FMN1: variants seen among roughly 807,000 people sequenced by gnomAD.
FMN1 encodes formin-1.
FMN1 carries 110 observed loss-of-function variants against 132.4 expected under a neutral mutation model. The observed-to-expected ratio is 0.83, with a 90% CI of 0.71 to 0.97. The LOEUF (loss-of-function observed/expected upper bound fraction) is 0.97, where lower values mean the gene tolerates loss of function less well. Ranked by LOEUF, FMN1 falls within the 50% of genes least tolerant of loss-of-function variation. The pLI, the probability that FMN1 is intolerant of heterozygous loss-of-function variation, is 0.00. For synonymous variants in FMN1, 722 were observed against 651.7 expected (o/e 1.11, Z -1.64); for missense variants, 1,792 against 1,705.3 (o/e 1.05, Z -0.90).
chr15:32,866,428 G>A (rs532687157), intron 16 of FMN1, among the ~76,000 whole-genome samples: 4 of 152,018 alleles, frequency 2.6e-5, no homozygotes, highest in Non-Finnish European at 5.9e-5. Flanking sequence ...ATAGTAAAAC[G>A]CTAGCCAAAA....
rs1323178308 is a variant in FMN1, at chr15:32,949,978, TACACACAC to T, written c.3138+14121_3138+14128del. ...ATATATATATATACACACATATATA[TACACACAC>T]ATATATATACACATACACATATATA... On this transcript the variant is annotated intron_variant, in intron 9 of 20. Transcript: ENST00000616417. Among the ~76,000 whole-genome samples the T allele has an allele frequency of 1.9e-3, 68 of 36,006 alleles. 2 individuals carry two copies. Among genetic ancestry groups the T allele is most frequent in the African/African-American group, 5.0e-3 (31 of 6,140 alleles). 23.6% of individuals were successfully genotyped at this position (36,006 alleles called of 152,430 possible).
intron 10 of FMN1, among the ~76,000 whole-genome samples, chr15:32,917,987 C>A (rs1234234284): frequency 6.6e-6 from 1 of 152,112 alleles, no homozygotes; most frequent in South Asian, 2.1e-4. Context: ...TGGTTCACTT[C>A]TAATACGCTA....
At chr15:32,910,938 G>C (rs1221481372) in intron 10 of FMN1, among the ~76,000 whole-genome samples, 1 of 152,182 alleles carries the variant, frequency 6.6e-6, no homozygotes, top group Non-Finnish European at 1.5e-5. Flanking sequence ...CAGAAAGAAA[G>C]AGAGAAAAAA....
intron 16 of FMN1, among the ~76,000 whole-genome samples, chr15:32,879,457 A>G (rs1292956675): frequency 6.6e-6 from 1 of 152,208 alleles, no homozygotes; most frequent in African/African-American, 2.4e-5. Context: ...CCAAAAGGTG[A>G]TAAATTAGCC....
At chr15:33,024,866 A>C (rs1488984531) in intron 6 of FMN1, among the ~76,000 whole-genome samples, 1 of 152,234 alleles carries the variant, frequency 6.6e-6, no homozygotes, top group African/African-American at 2.4e-5. Context: ...ACATTCACTC[A>C]GAGTGATATT....
At chr15:32,861,113 C>T (rs2059258008) in intron 16 of FMN1, among the ~76,000 whole-genome samples, 5 of 152,124 alleles carry the variant, frequency 3.3e-5, no homozygotes, top group Admixed American at 3.3e-4. Flanking sequence ...TTAATTAACC[C>T]TCTACTATAT....
At chr15:33,173,408 C>G (rs1414906128) in intron 3 of FMN1, among the ~76,000 whole-genome samples, 1 of 152,212 alleles carries the variant, frequency 6.6e-6, no homozygotes, top group African/African-American at 2.4e-5. Flanking sequence ...CCAAGCAGTG[C>G]TGCTTCAGGG....
In FMN1 at chr15:33,153,241, C is replaced by G; in HGVS notation, c.1674G>C (p.Lys558Asn). The change falls in exon 4 of 21, where the codon AAG (lysine) becomes AAC (asparagine). Residue 558 changes from lysine to asparagine, a missense_variant. Lys to Asn is a moderately conservative substitution (Grantham distance 94, BLOSUM62 0). Coordinates refer to ENST00000616417, the MANE Select transcript of FMN1 (RefSeq NM_001277313.2). The part of the protein sequence containing the change: ...EAALNDSPCR[K>N]SRVFSGCVSA... ...AGACGCACCCAGAGAAGACACGGCTCTTTCTACAAGGAGAGTCATTAAGAG... is the reference window on the plus strand; with the variant it reads ...AGACGCACCCAGAGAAGACACGGCTGTTTCTACAAGGAGAGTCATTAAGAG... The G allele has an allele frequency of 6.5e-7, 1 of 1,536,132 alleles. No individual in the cohort carries two copies. The highest frequency in any genetic ancestry group is 1.2e-5 in the South Asian group (1 of 84,060).
At chr15:33,053,483 C>A (rs909292096) in intron 6 of FMN1, among the ~76,000 whole-genome samples, 2 of 152,114 alleles carry the variant, frequency 1.3e-5, no homozygotes, top group African/African-American at 4.8e-5. Context: ...ACGGGGTGCC[C>A]CTGCTGCAAG....
chr15:32,903,855 T>C (rs1401504188), intron 12 of FMN1, among the ~76,000 whole-genome samples: 1 of 152,184 alleles, frequency 6.6e-6, no homozygotes, highest in African/African-American at 2.4e-5. Flanking sequence ...GGGCTTGCAC[T>C]GGAAAAGCTC....
chr15:32,851,549 G>T (rs2059008655), intron 17 of FMN1, among the ~76,000 whole-genome samples: 1 of 152,120 alleles, frequency 6.6e-6, no homozygotes, highest in South Asian at 2.1e-4. Flanking sequence ...TTCAACAAGA[G>T]CCTAGTGTGG....
At chr15:32,851,861 C>T (rs2059017095) in intron 17 of FMN1, among the ~76,000 whole-genome samples, 1 of 152,160 alleles carries the variant, frequency 6.6e-6, no homozygotes, top group Non-Finnish European at 1.5e-5. Context: ...TCCTGAGTCA[C>T]AACGCACGTG....
At chr15:32,916,915 T>C (rs1277089131) in intron 10 of FMN1, among the ~76,000 whole-genome samples, 2 of 152,080 alleles carry the variant, frequency 1.3e-5, no homozygotes, top group African/African-American at 4.8e-5. Context: ...ATAGAAGGAC[T>C]TGGTTTTTTG....
At chr15:32,962,388 C>T (rs2030671485) in intron 9 of FMN1, among the ~76,000 whole-genome samples, 1 of 151,774 alleles carries the variant, frequency 6.6e-6, no homozygotes, top group Non-Finnish European at 1.5e-5. Flanking sequence ...CCATAAAAAC[C>T]CTAGAAGAAA....
intron 8 of FMN1, among the ~76,000 whole-genome samples, chr15:32,964,835 G>A (rs977939287): frequency 6.6e-6 from 1 of 152,082 alleles, no homozygotes; most frequent in African/African-American, 2.4e-5. Flanking sequence ...TAGTATCTCA[G>A]TCCCCTAAAC....
At chr15:32,992,042 C>T (rs1279992819) in intron 7 of FMN1, among the ~76,000 whole-genome samples, 1 of 152,174 alleles carries the variant, frequency 6.6e-6, no homozygotes, top group African/African-American at 2.4e-5. Flanking sequence ...TGCGTACTCA[C>T]ATAAATTCAG....
intron 19 of FMN1, among the ~76,000 whole-genome samples, chr15:32,785,220 T>TATATATA (rs1567163233): frequency 1.2e-3 from 32 of 26,212 alleles, no homozygotes; most frequent in African/African-American, 2.8e-3. Context: ...ATATATATAT[T>TATATATA]TTTTTTTTTT....
chr15:33,066,629 G>C, intron 5 of FMN1: 2 of 1,613,880 alleles, frequency 1.2e-6, no homozygotes, highest in East Asian at 4.5e-5. Context: ...AGAGGTGTCA[G>C]CTGTGGTCCC....
In FMN1 at chr15:32,896,889, C is replaced by CTT. The variant is rs372588768; in HGVS notation, c.3714+1943_3714+1944dup. Among the ~76,000 whole-genome samples the CTT allele has an allele frequency of 1.1e-4, 16 of 152,264 alleles. No individual in the cohort carries two copies. The East Asian group carries it at 3.1e-3, about 29-fold the overall frequency. Reference sequence around the variant, plus strand: ...AATGAATATGAGAGGGAAAATGTCTCTTTGAGATCCTGGTTTCAATTCTTT... The same window carrying CTT: ...AATGAATATGAGAGGGAAAATGTCTCTTTTTGAGATCCTGGTTTCAATTCTTT... On this transcript the variant is annotated intron_variant, in intron 15 of 20. Coordinates refer to ENST00000616417, the MANE Select transcript of FMN1 (RefSeq NM_001277313.2).
Sources: allele counts gnomAD v4.1 joint callset (sites outside exome capture counted in the v4.1 genomes callset), GRCh38; gene constraint gnomAD v4.1.1; transcripts MANE v1.5; gene names NCBI Gene and HGNC (gene_info 2026-07-23, HGNC 2026-07-21).